The following PNLIPRP3 variants were observed in gnomAD, a reference collection of about 807,000 sequenced individuals.
The protein encoded by PNLIPRP3 is pancreatic lipase related protein 3.
In PNLIPRP3, 58 loss-of-function variants were observed where a neutral mutation model predicts 52.8. The ratio of observed to expected loss-of-function variants is 1.10; its 90% CI spans 0.89 to 1.37. The LOEUF (loss-of-function observed/expected upper bound fraction) is 1.37. Among genes scored for constraint, PNLIPRP3 ranks in the 40% most tolerant of loss-of-function variants. The pLI is 0.00. For missense variants in PNLIPRP3, 593 were observed against 561.6 expected (o/e 1.06, Z -0.57); for synonymous variants, 192 against 185.0 (o/e 1.04, Z -0.31).
At chr10:116,446,189 A>G (rs183465920) in intron 4 of PNLIPRP3, among the ~76,000 whole-genome samples, 2 of 152,132 alleles carry the variant, frequency 1.3e-5, no homozygotes, top group Admixed American at 1.3e-4. Context: ...TACTAAAAAT[A>G]CAAAAAATTA....
At chr10:116,439,540 G>T in intron 2 of PNLIPRP3, 1 of 830,490 alleles carries the variant, frequency 1.2e-6, no homozygotes, top group South Asian at 1.4e-5. Flanking sequence ...TTAGCAGGAC[G>T]CTTTGCGCCA....
rs1312318648 is a variant in PNLIPRP3, at chr10:116,470,404, TG to T, written c.1060+1090del. On this transcript the variant is annotated intron_variant, in intron 9 of 11. Transcript: ENST00000369230. The stretch of plus-strand genomic sequence containing the variant: ...GGCCCCTGCAAAGGAGACTGAAGAA[TG>T]GGCAGAGAGAAGGAAGACCAGCAAA... 4.6e-5 allele frequency among the ~76,000 whole-genome samples: 7 copies of T among 151,416 alleles called. No individual in the cohort carries two copies. The East Asian group carries it at 1.4e-3, about 29-fold the overall frequency.
chr10:116,449,163 C>T (rs1846000025), intron 4 of PNLIPRP3, among the ~76,000 whole-genome samples: 1 of 152,154 alleles, frequency 6.6e-6, no homozygotes, highest in Admixed American at 6.6e-5. Context: ...CTTGCCACTG[C>T]ACTCCAGCCT....
At chr10:116,474,188 A>G (rs1010630070) in intron 10 of PNLIPRP3, among the ~76,000 whole-genome samples, 1 of 152,190 alleles carries the variant, frequency 6.6e-6, no homozygotes, top group South Asian at 2.1e-4. Flanking sequence ...AAAAACAAGC[A>G]ATGGGGAAAG....
At chr10:116,439,570 T>C in intron 2 of PNLIPRP3, 1 of 846,314 alleles carries the variant, frequency 1.2e-6, no homozygotes, top group Non-Finnish European at 2.0e-6. Context: ...ACTTTCGACT[T>C]ATAGTCAGCA....
chr10:116,443,160 A>C lies in PNLIPRP3; in HGVS notation c.310A>C (p.Arg104=). ...ATGGAAAACAGATGGCAAATGGCAGAGAGACATGTGCAATGTATGACATGA... is the reference window on the plus strand; with the variant it reads ...ATGGAAAACAGATGGCAAATGGCAGCGAGACATGTGCAATGTATGACATGA... ...AGWKTDGKWQ[R]DMCNVLLQLE... The change falls in exon 3 of 12, where the codon AGA becomes CGA. Residue 104 remains arginine (R), a synonymous_variant. Coordinates refer to ENST00000369230, the MANE Select transcript of PNLIPRP3 (RefSeq NM_001011709.3). 3 of 1,610,928 alleles carry C rather than the reference A, an allele frequency of 1.9e-6. No individual in the cohort carries two copies. The highest frequency in any genetic ancestry group is 2.2e-5 in the South Asian group (2 of 90,592).
At chr10:116,467,023 C>G (rs1306233496) in intron 8 of PNLIPRP3, among the ~76,000 whole-genome samples, 1 of 152,182 alleles carries the variant, frequency 6.6e-6, no homozygotes, top group African/African-American at 2.4e-5. Context: ...TCGGCTGCTA[C>G]TCTGAGCACC....
chr10:116,459,452 G>A (rs1846160393), intron 5 of PNLIPRP3, among the ~76,000 whole-genome samples: 2 of 152,008 alleles, frequency 1.3e-5, no homozygotes, highest in African/African-American at 2.4e-5. Context: ...ACAGCAAAGG[G>A]ATTTTGCTAA....
Position 116,469,222 on chromosome 10 carries a change from C to G in PNLIPRP3, c.965C>G (p.Thr322Arg), listed in dbSNP as rs1846327809. 1 of 1,612,270 alleles carries G rather than the reference C, an allele frequency of 6.2e-7. No individual in the cohort carries two copies. Residue 322 changes from threonine to arginine, a missense_variant, in exon 9 of 12, where the codon ACA becomes AGA. Coordinates refer to ENST00000369230, the MANE Select transcript of PNLIPRP3 (RefSeq NM_001011709.3). Reference protein sequence around the residue: ...CFFCSKEGCPTMGHFADRFHF... With the variant: ...CFFCSKEGCPRMGHFADRFHF... ...TTTTGTTCCAAAGAAGGTTGCCCAA[C>G]AATGGGTCATTTTGCTGATAGATTT...
chr10:116,459,271 G>C (rs1846157190), intron 5 of PNLIPRP3, among the ~76,000 whole-genome samples: 1 of 143,220 alleles, frequency 7.0e-6, no homozygotes, highest in African/African-American at 2.7e-5. Context: ...GATTATATTA[G>C]TCAGAAAAAT....
chr10:116,470,379 G>A (rs1419907524), intron 9 of PNLIPRP3, among the ~76,000 whole-genome samples: 1 of 152,020 alleles, frequency 6.6e-6, no homozygotes, highest in Non-Finnish European at 1.5e-5. Flanking sequence ...CAGAGAAAGA[G>A]GCCCCTGCAA....
At chr10:116,446,525 G>A (rs1173977937) in intron 4 of PNLIPRP3, among the ~76,000 whole-genome samples, 1 of 152,036 alleles carries the variant, frequency 6.6e-6, no homozygotes, top group Non-Finnish European at 1.5e-5. Context: ...TTGATCAAAT[G>A]AAAAATGTAT....
chr10:116,459,295 A>C (rs566361990), intron 5 of PNLIPRP3, among the ~76,000 whole-genome samples: 14 of 151,858 alleles, frequency 9.2e-5, no homozygotes, highest in Admixed American at 3.3e-4. Context: ...AAAAAAAAAA[A>C]ACACATCCTA....
intron 4 of PNLIPRP3, among the ~76,000 whole-genome samples, chr10:116,453,712 A>G (rs1003916423): frequency 6.6e-6 from 1 of 152,002 alleles, no homozygotes; most frequent in African/African-American, 2.4e-5. Flanking sequence ...TCACTCTGTG[A>G]TACACCAGCT....
rs1846474229 is a variant in PNLIPRP3 at position 116,476,724 on chromosome 10, T to C, written c.1245T>C (p.Ser415=). The C allele has an allele frequency of 6.2e-7, 1 of 1,609,518 alleles. No individual in the cohort carries two copies. Among genetic ancestry groups the C allele is most frequent in the Non-Finnish European group, 8.5e-7 (1 of 1,177,938 alleles). ...ATGTTAACGTTGGAAACATTACAAG[T>C]GTTCAGTTCATCTGGAAAAAACATT... is the stretch of plus-strand genomic sequence containing the variant. ...DADVNVGNIT[S]VQFIWKKHLF... Residue 415 remains serine, a synonymous_variant, in exon 11 of 12, where the codon AGT becomes AGC. Coordinates refer to ENST00000369230, the MANE Select transcript of PNLIPRP3 (RefSeq NM_001011709.3).
chr10:116,459,275 G>GAAAAA (rs1279382688), intron 5 of PNLIPRP3, among the ~76,000 whole-genome samples: 2 of 129,614 alleles, frequency 1.5e-5, no homozygotes, highest in Admixed American at 7.6e-5. Context: ...ATATTAGTCA[G>GAAAAA]AAAAATAAAA....
At chr10:116,458,842 T>C (rs1345836844) in intron 5 of PNLIPRP3, among the ~76,000 whole-genome samples, 1 of 152,164 alleles carries the variant, frequency 6.6e-6, no homozygotes, top group Non-Finnish European at 1.5e-5. Flanking sequence ...AATGATGCCC[T>C]AGCCTATTGC....
chr10:116,468,192 A>C (rs1846311054), intron 8 of PNLIPRP3, among the ~76,000 whole-genome samples: 1 of 144,112 alleles, frequency 6.9e-6, no homozygotes, highest in African/African-American at 2.6e-5. Context: ...ATGTCTCTTT[A>C]TGTACTTGAG....
intron 8 of PNLIPRP3, among the ~76,000 whole-genome samples, chr10:116,467,834 A>G: frequency 6.6e-6 from 1 of 152,060 alleles, no homozygotes. Flanking sequence ...TTGTTATTAA[A>G]AGTAATGTCG....
Sources: allele counts gnomAD v4.1 joint callset (sites outside exome capture counted in the v4.1 genomes callset), GRCh38; gene constraint gnomAD v4.1.1; transcripts MANE v1.5; gene names NCBI Gene and HGNC (gene_info 2026-07-23, HGNC 2026-07-21).